CNIH3: variants seen among roughly 807,000 people sequenced by gnomAD.
CNIH3 encodes the protein cornichon family AMPA receptor auxiliary protein 3, also known as protein cornichon homolog 3.
In CNIH3, 14 loss-of-function variants were observed where a neutral mutation model predicts 24.1. The observed-to-expected ratio is 0.58, with a 90% CI of 0.38 to 0.91. CNIH3 has a LOEUF of 0.91. Among genes scored for constraint, CNIH3 ranks in the 40% least tolerant of loss-of-function variants. The pLI, the probability that CNIH3 is intolerant of heterozygous loss-of-function variation, is 0.00. For synonymous variants in CNIH3, 68 were observed against 73.8 expected (o/e 0.92, Z 0.40); for missense variants, 178 against 196.8 (o/e 0.90, Z 0.57).
intron 1 of CNIH3, among the ~76,000 whole-genome samples, chr1:224,447,507 AC>A (rs1675217083): frequency 6.6e-6 from 1 of 152,138 alleles, no homozygotes; most frequent in African/African-American, 2.4e-5. Context: ...TCCTGTGGAA[AC>A]CCTGGCAGAC....
intron 1 of CNIH3, among the ~76,000 whole-genome samples, chr1:224,487,310 C>T (rs1054520361): frequency 2.0e-5 from 3 of 152,164 alleles, no homozygotes; most frequent in African/African-American, 7.2e-5. Context: ...GAATCGTAGA[C>T]TATTAGTGGA....
chr1:224,497,238 T>G (rs576208440), intron 1 of CNIH3, among the ~76,000 whole-genome samples: 1 of 152,216 alleles, frequency 6.6e-6, no homozygotes, highest in East Asian at 1.9e-4. Context: ...TGGGAGTGAC[T>G]GCTAATAGGT....
At position 224,636,894 on chromosome 1, in the gene CNIH3, A is replaced by G. The variant is rs58011163; in HGVS notation, c.81+19639A>G. Among the ~76,000 whole-genome samples, 333 of 151,410 alleles carry G rather than the reference A, an allele frequency of 2.2e-3. 4 individuals are homozygous for G. In the East Asian group the frequency reaches 0.029, roughly 13 times the overall value. ...ATTTTTATTTATCTATCATCTATCT[A>G]TCTACAGTATCTAATCTATTATCTG... is the stretch of plus-strand genomic sequence containing the variant. On this transcript the variant is annotated intron_variant, in intron 1 of 5. Coordinates refer to ENST00000272133, the MANE Select transcript of CNIH3 (RefSeq NM_152495.2).
chr1:224,469,620 G>A (rs183649432), intron 1 of CNIH3, among the ~76,000 whole-genome samples: 1 of 152,150 alleles, frequency 6.6e-6, no homozygotes, highest in East Asian at 1.9e-4. Flanking sequence ...CAATCCCTCC[G>A]CCTCAGCCTC....
At chr1:224,523,197 C>T (rs920300556) in intron 2 of CNIH3, among the ~76,000 whole-genome samples, 5 of 151,874 alleles carry the variant, frequency 3.3e-5, no homozygotes, top group African/African-American at 1.2e-4. Flanking sequence ...TATGATTGGG[C>T]CACTGCACTC....
intron 1 of CNIH3, among the ~76,000 whole-genome samples, chr1:224,470,020 CT>C (rs1455569780): frequency 7.3e-5 from 11 of 150,936 alleles, no homozygotes; most frequent in Admixed American, 7.3e-4. Context: ...TATTCTTCTT[CT>C]TCTTTTTTTT....
chr1:224,671,169 A>T (rs187976728), intron 1 of CNIH3, among the ~76,000 whole-genome samples: 32 of 152,018 alleles, frequency 2.1e-4, no homozygotes, highest in Non-Finnish European at 3.5e-4. Context: ...CTTAAAACAG[A>T]TATTTTTCTG....
chr1:224,539,133 G>A (rs531071991), downstream of CNIH3, among the ~76,000 whole-genome samples: 8 of 152,086 alleles, frequency 5.3e-5, no homozygotes, highest in African/African-American at 1.2e-4. Flanking sequence ...TTTCTCTTCC[G>A]TAACTAAAAC....
intron 5 of CNIH3, among the ~76,000 whole-genome samples, chr1:224,585,986 C>A (rs1333985785): frequency 6.6e-6 from 1 of 152,222 alleles, no homozygotes; most frequent in East Asian, 1.9e-4. Context: ...CACACATTTT[C>A]CCCTACATGG....
At chr1:224,462,259 C>T (rs1248165368) in intron 1 of CNIH3, among the ~76,000 whole-genome samples, 2 of 152,192 alleles carry the variant, frequency 1.3e-5, no homozygotes, top group South Asian at 2.1e-4. Context: ...TTTGGACAAA[C>T]CTTTAATGAT....
intron 1 of CNIH3, 77 bp downstream of exon 1, chr1:224,617,332 C>T: frequency 6.6e-7 from 1 of 1,518,968 alleles, no homozygotes. Context: ...ACTTTTTCCA[C>T]CTTGCGGGCG....
intron 1 of CNIH3, among the ~76,000 whole-genome samples, chr1:224,621,911 T>C (rs1338455630): frequency 2.0e-5 from 3 of 151,716 alleles, no homozygotes; most frequent in Non-Finnish European, 4.4e-5. Flanking sequence ...GGGGATGGGG[T>C]TTTTTTTGTG....
intron 1 of CNIH3, among the ~76,000 whole-genome samples, chr1:224,480,688 A>C (rs1676772127): frequency 1.3e-5 from 2 of 152,200 alleles, no homozygotes; most frequent in Non-Finnish European, 2.9e-5. Context: ...GCTAAAACAT[A>C]ACAAGAGTCA....
chr1:224,605,764 A>G (rs1682391167), intron 3 of CNIH3, among the ~76,000 whole-genome samples: 1 of 151,722 alleles, frequency 6.6e-6, no homozygotes, highest in Non-Finnish European at 1.5e-5. Context: ...CCACATCCCT[A>G]TGATCGCCTC....
chr1:224,664,816 C>T (rs983010742), intron 1 of CNIH3: 1 of 152,176 alleles, frequency 6.6e-6, no homozygotes, highest in Non-Finnish European at 1.5e-5. Context: ...TTCACTGCAG[C>T]CTTGAAGTCC....
intron 3 of CNIH3, among the ~76,000 whole-genome samples, chr1:224,599,558 T>C (rs1312073883): frequency 6.6e-6 from 1 of 151,784 alleles, no homozygotes; most frequent in African/African-American, 2.4e-5. Flanking sequence ...TATATAGATT[T>C]ATATAAATAA....
upstream of CNIH3, among the ~76,000 whole-genome samples, chr1:224,515,483 A>G (rs778125128): frequency 9.9e-5 from 15 of 152,252 alleles, no homozygotes; most frequent in Non-Finnish European, 8.8e-5. Flanking sequence ...GCACCAAGCC[A>G]TGTTTCAAAG....
At chr1:224,527,748 T>G (rs1678899856) in intron 2 of CNIH3, among the ~76,000 whole-genome samples, 1 of 152,202 alleles carries the variant, frequency 6.6e-6, no homozygotes, top group Non-Finnish European at 1.5e-5. Flanking sequence ...ATGGATATCC[T>G]AATTACCCTG....
intron 1 of CNIH3, among the ~76,000 whole-genome samples, chr1:224,659,650 G>C (rs1355289148): frequency 6.6e-6 from 1 of 152,194 alleles, no homozygotes; most frequent in East Asian, 1.9e-4. Context: ...TGAGAAGTTT[G>C]CCAGTTACAT....
Sources: gnomAD v4.1 joint callset for allele counts (sites outside exome capture counted in the v4.1 genomes callset) on GRCh38, gnomAD v4.1.1 for gene constraint, MANE v1.5 for transcripts, NCBI Gene and HGNC (gene_info 2026-07-23, HGNC 2026-07-21) for gene names.